The following HTR2C variants were observed in gnomAD, a reference collection of about 807,000 sequenced individuals.
The protein encoded by HTR2C is 5-hydroxytryptamine receptor 2C, also known as 5-hydroxytryptamine (serotonin) receptor 2C, G protein-coupled.
HTR2C carries 5 observed loss-of-function variants against 21.0 expected under a neutral mutation model. That is an observed-to-expected ratio of 0.24 (90% CI 0.12 to 0.50). The LOEUF (loss-of-function observed/expected upper bound fraction) is 0.50. Among genes scored for constraint, HTR2C ranks in the 20% least tolerant of loss-of-function variants. The pLI is 0.98. For synonymous variants in HTR2C, 150 were observed against 145.3 expected, an observed-to-expected ratio of 1.03 and a Z score of -0.23; for missense variants, 271 against 371.2, an observed-to-expected ratio of 0.73 and a Z score of 2.22.
intron 4 of HTR2C, among the ~76,000 whole-genome samples, chrX:114,797,438 G>A (rs782445866): frequency 2.4e-4 from 26 of 110,336 alleles, no homozygotes; most frequent in Admixed American, 2.0e-3. Context: ...TTAATATAGG[G>A]TTTTCTAATT....
chrX:114,866,956 A>AG (rs1556474809), intron 5 of HTR2C, among the ~76,000 whole-genome samples: 1 of 37,050 alleles, frequency 2.7e-5, no homozygotes, highest in African/African-American at 5.3e-5. Context: ...ACAATGCTGC[A>AG]AAAACATAGA....
chrX:114,816,952 A>AG (rs2070590977), intron 4 of HTR2C, among the ~76,000 whole-genome samples: 1 of 110,648 alleles, frequency 9.0e-6, no homozygotes, highest in Non-Finnish European at 1.9e-5. Flanking sequence ...AGATTAAAAA[A>AG]AAATAGATGA....
intron 2 of HTR2C, among the ~76,000 whole-genome samples, chrX:114,664,988 A>G (rs1052916612): frequency 8.9e-6 from 1 of 112,544 alleles, no homozygotes; most frequent in African/African-American, 3.2e-5. Flanking sequence ...AAAAGACAGA[A>G]TTATAACTAA....
At chrX:114,823,356 G>A (rs1344626098) in intron 4 of HTR2C, 4 of 329,615 alleles carry the variant, frequency 1.2e-5, no homozygotes, top group Non-Finnish European at 2.4e-5. Context: ...GGCCAGAAGA[G>A]GCTTTCATGA....
chrX:114,692,715 T>G (rs1006590535), intron 2 of HTR2C, among the ~76,000 whole-genome samples: 1 of 111,732 alleles, frequency 8.9e-6, no homozygotes, highest in Non-Finnish European at 1.9e-5. Flanking sequence ...AGAATAAGTA[T>G]TGTGACTAAA....
intron 2 of HTR2C, among the ~76,000 whole-genome samples, chrX:114,675,574 GTTTAT>G (rs1291639309): frequency 8.9e-6 from 1 of 112,086 alleles, no homozygotes; most frequent in African/African-American, 3.2e-5. Flanking sequence ...CTTGTTGAAA[GTTTAT>G]TTTATGTTCT....
chrX:114,616,520 C>T (rs1440446128), intron 2 of HTR2C, among the ~76,000 whole-genome samples: 2 of 111,107 alleles, frequency 1.8e-5, no homozygotes, highest in African/African-American at 6.6e-5. Flanking sequence ...CTCCTGACCT[C>T]AAGTGATCCA....
intron 5 of HTR2C, among the ~76,000 whole-genome samples, chrX:114,883,633 AGTATTTTCTCT>A (rs1337213075): frequency 9.1e-6 from 1 of 109,692 alleles, no homozygotes; most frequent in Non-Finnish European, 1.9e-5. Context: ...TTCACCTAAA[AGTATTTTCTCT>A]TGTTTTTCTT....
chrX:114,800,729 T>G (rs1289287929), intron 4 of HTR2C, among the ~76,000 whole-genome samples: 2 of 111,580 alleles, frequency 1.8e-5, no homozygotes, highest in African/African-American at 3.3e-5. Context: ...ATCTTTACAG[T>G]GTGGTCCTCG....
chrX:114,723,792 G>A (rs1933324375), intron 2 of HTR2C, among the ~76,000 whole-genome samples: 1 of 108,105 alleles, frequency 9.3e-6, no homozygotes. Context: ...TCATTCAGGA[G>A]CAGGTTGTTC....
rs2071256263 is a variant in HTR2C at position 114,891,168 on chromosome X, T to C, written c.551-15421T>C. ...TTTATAGGTGTCATTTCGTTATTGA[T>C]ATTGTTGTCTTTCCTGTCATTAATA... On this transcript the variant is annotated intron_variant, in intron 5 of 5. Coordinates refer to ENST00000276198, the MANE Select transcript of HTR2C (RefSeq NM_000868.4). 4.5e-5 allele frequency among the ~76,000 whole-genome samples: 5 copies of C among 111,513 alleles called. No individual in the cohort carries two copies. In the South Asian group the frequency reaches 1.9e-3, roughly 42 times the overall value.
chrX:114,853,906 ATAATT>A (rs1314776163), intron 5 of HTR2C, among the ~76,000 whole-genome samples: 1 of 111,666 alleles, frequency 9.0e-6, no homozygotes, highest in Non-Finnish European at 1.9e-5. Context: ...CCTTAAATTT[ATAATT>A]TAATTTAAGA....
chrX:114,846,633 C>T (rs1164287373), intron 4 of HTR2C, among the ~76,000 whole-genome samples: 1 of 111,087 alleles, frequency 9.0e-6, no homozygotes, highest in African/African-American at 3.3e-5. Flanking sequence ...AAAAAATGTT[C>T]AACAAACTAG....
chrX:114,703,848 T>C (rs781903329), intron 2 of HTR2C, among the ~76,000 whole-genome samples: 13 of 109,737 alleles, frequency 1.2e-4, no homozygotes, highest in African/African-American at 4.3e-4. Flanking sequence ...AAGAATCAAA[T>C]AGACGCAATA....
chrX:114,904,642 A>G (rs992469118), intron 5 of HTR2C, among the ~76,000 whole-genome samples: 4 of 111,871 alleles, frequency 3.6e-5, no homozygotes, highest in Admixed American at 9.5e-5. Flanking sequence ...TCTTTTAAGT[A>G]TCTCTTAATA....
At chrX:114,727,707 C>T (rs1223306856) in intron 3 of HTR2C, among the ~76,000 whole-genome samples, 2 of 111,699 alleles carry the variant, frequency 1.8e-5, no homozygotes, top group Non-Finnish European at 3.8e-5. Flanking sequence ...CTTTATGATT[C>T]TTGTAAAAGA....
intron 4 of HTR2C, among the ~76,000 whole-genome samples, chrX:114,825,614 A>G (rs952095423): frequency 4.5e-5 from 5 of 111,373 alleles, no homozygotes; most frequent in African/African-American, 6.5e-5. Flanking sequence ...TGTTTTATCA[A>G]TGTCAATTAG....
intron 4 of HTR2C, among the ~76,000 whole-genome samples, chrX:114,798,289 G>C (rs1175766602): frequency 2.7e-5 from 3 of 110,627 alleles, no homozygotes; most frequent in African/African-American, 9.8e-5. Context: ...GCCAGGAGTG[G>C]AGTCCATATC....
At chrX:114,733,736 T>G (rs782192967) in intron 4 of HTR2C, among the ~76,000 whole-genome samples, 2 of 110,563 alleles carry the variant, frequency 1.8e-5, no homozygotes, top group African/African-American at 3.3e-5. Context: ...GGCCCTCCAG[T>G]AAAGAAACCA....
Sources: allele counts gnomAD v4.1 joint callset (sites outside exome capture counted in the v4.1 genomes callset), GRCh38; gene constraint gnomAD v4.1.1; transcripts MANE v1.5; gene names NCBI Gene and HGNC (gene_info 2026-07-23, HGNC 2026-07-21).